CAT: variants seen among roughly 807,000 people sequenced by gnomAD.
The protein encoded by CAT is catalase.
A neutral mutation model predicts 59.0 loss-of-function variants in CAT; 43 were observed. That is an observed-to-expected ratio of 0.73 (90% CI 0.57 to 0.94). The LOEUF is 0.94. CAT is among the 40% of genes least tolerant of loss of function. The pLI is 0.00. For synonymous variants in CAT, 218 were observed against 230.9 expected (o/e 0.94, Z 0.51); for missense variants, 664 against 682.9 (o/e 0.97, Z 0.31).
intron 3 of CAT, among the ~76,000 whole-genome samples, chr11:34,451,470 A>G (rs1028850303): frequency 6.6e-6 from 1 of 152,236 alleles, no homozygotes; most frequent in Non-Finnish European, 1.5e-5. Flanking sequence ...CTTTACAGAT[A>G]TAATCTCTGA....
chr11:34,456,305 CA>C, intron 7 of CAT, 103 bp downstream of exon 7: 3 of 907,892 alleles, frequency 3.3e-6, no homozygotes, highest in Non-Finnish European at 5.2e-6. Flanking sequence ...AAGTCATATA[CA>C]AAATACAGAG....
chr11:34,471,022 AC>A lies in CAT; in HGVS notation c.1500del (p.Tyr500Ter). On this transcript the variant is annotated frameshift_variant, in exon 12 of 13. Transcript: ENST00000241052. LOFTEE classifies it high-confidence loss of function. ...CACATCCAGGCTCTTCTGGACAAGT[AC>A]AATGCTGAGAAGCCTAAGGTAAGCT... ...GSHIQALLDK[Y>X]NAEKPKNAIH... The A allele has an allele frequency of 6.2e-7, 1 of 1,614,172 alleles. No individual in the cohort carries two copies. Among genetic ancestry groups the A allele is most frequent in the Non-Finnish European group, 8.5e-7 (1 of 1,179,990 alleles).
intron 8 of CAT, chr11:34,461,005 A>G: frequency 3.6e-6 from 2 of 556,224 alleles, no homozygotes; most frequent in Non-Finnish European, 3.2e-6. Flanking sequence ...AAAAGATATT[A>G]TTACCAAAAA....
chr11:34,454,489 A>G (rs1323885594), intron 6 of CAT, among the ~76,000 whole-genome samples: 1 of 152,222 alleles, frequency 6.6e-6, no homozygotes. Context: ...CAAGCCTGAG[A>G]ACCTCTGTTT....
intron 8 of CAT, chr11:34,460,939 A>C: frequency 2.6e-6 from 1 of 385,164 alleles, no homozygotes; most frequent in Non-Finnish European, 4.9e-6. Context: ...TTCCTTGGGA[A>C]TAGGAAGTAA....
At chr11:34,458,505 C>G (rs961213509) in intron 8 of CAT, among the ~76,000 whole-genome samples, 1 of 152,154 alleles carries the variant, frequency 6.6e-6, no homozygotes, top group African/African-American at 2.4e-5. Context: ...GCATTGAAAC[C>G]AGGGAGTAGA....
chr11:34,439,650 A>G (rs1034336012), intron 1 of CAT, among the ~76,000 whole-genome samples: 1 of 152,174 alleles, frequency 6.6e-6, no homozygotes, highest in African/African-American at 2.4e-5. Context: ...CAAGCCTAGC[A>G]TTTTAGAGCT....
At chr11:34,459,629 G>A (rs903880911) in intron 8 of CAT, among the ~76,000 whole-genome samples, 3 of 152,158 alleles carry the variant, frequency 2.0e-5, no homozygotes, top group Admixed American at 6.5e-5. Context: ...TCAGGCACAG[G>A]GCCTTGGGGA....
At chr11:34,442,607 G>T (rs1030801045) in intron 1 of CAT, among the ~76,000 whole-genome samples, 1 of 150,670 alleles carries the variant, frequency 6.6e-6, no homozygotes, top group Admixed American at 6.6e-5. Context: ...ATCTCAAAAA[G>T]AAAAAAAAAG....
At chr11:34,455,101 G>C (rs181071383) in intron 6 of CAT, among the ~76,000 whole-genome samples, 10 of 152,334 alleles carry the variant, frequency 6.6e-5, no homozygotes, top group Admixed American at 4.6e-4. Context: ...AGGTATTGCA[G>C]TGTTATTGTA....
At position 34,464,152 on chromosome 11, in the gene CAT, C is replaced by G; in HGVS notation, c.1243C>G (p.Gln415Glu). Residue 415 changes from glutamine to glutamate, a missense_variant, in exon 10 of 13, where the codon CAG becomes GAG. Coordinates refer to ENST00000241052, the MANE Select transcript of CAT (RefSeq NM_001752.4). ...YPNSFGAPEQQPSALEHSIQY... is the reference protein window; with the variant it reads ...YPNSFGAPEQEPSALEHSIQY... ...CAACAGCTTTGGTGCTCCGGAACAA[C>G]AGCCTTCTGCCCTGGAGCACAGCAT... 6.2e-7 allele frequency: 1 copy of G among 1,614,150 alleles called. No individual in the cohort carries two copies.
chr11:34,452,955 GT>G (rs1006356053), intron 4 of CAT, 134 bp from the exon 5 acceptor site: 4 of 683,502 alleles, frequency 5.9e-6, no homozygotes, highest in Non-Finnish European at 1.1e-5. Flanking sequence ...TCATATTATG[GT>G]TTGGCAGTTT....
At chr11:34,447,908 C>T (rs1256550074) in intron 1 of CAT, among the ~76,000 whole-genome samples, 4 of 152,190 alleles carry the variant, frequency 2.6e-5, no homozygotes, top group Admixed American at 1.3e-4. Flanking sequence ...AAGTTGGACC[C>T]AGGCTCTAGT....
At position 34,453,126 on chromosome 11, in the gene CAT, C is replaced by T. The variant is rs1162926709; in HGVS notation, c.517C>T (p.Gln173Ter). The change falls in exon 5 of 13, where the codon CAG becomes TAG. Residue 173 changes from glutamine to a stop codon, truncating the protein, a stop_gained. Transcript: ENST00000241052. LOFTEE classifies it high-confidence loss of function. ...TATCCACAGCCAAAAGAGAAATCCT[C>T]AGACACATCTGAAGGATCCGGACAT... ...SFIHSQKRNP[Q>*]THLKDPDMVW... 41 of 1,613,320 alleles carry T rather than the reference C, an allele frequency of 2.5e-5. No individual in the cohort carries two copies. Among genetic ancestry groups the T allele is most frequent in the Non-Finnish European group, 3.3e-5 (39 of 1,179,326 alleles).
chr11:34,440,959 C>T (rs1856383774), intron 1 of CAT, among the ~76,000 whole-genome samples: 2 of 152,146 alleles, frequency 1.3e-5, no homozygotes, highest in African/African-American at 4.8e-5. Flanking sequence ...TACATAGTTG[C>T]CCATGTGAGA....
Position 34,456,780 on chromosome 11 carries a change from C to CGCA in CAT, c.1019_1020insGCA (p.Pro340_Pro341insGln). 1.2e-6 allele frequency: 2 copies of CGCA among 1,614,224 alleles called. No individual in the cohort carries two copies. Among genetic ancestry groups the CGCA allele is most frequent in the Non-Finnish European group, 1.7e-6 (2 of 1,180,044 alleles). On this transcript the variant is annotated inframe_insertion, in exon 8 of 13. Transcript: ENST00000241052. ...ATAGCCTTCGACCCAAGCAACATGC[C>CGCA]ACCTGGCATTGAGGCCAGTCCTGAC... is the stretch of plus-strand genomic sequence containing the variant.
At chr11:34,454,117 C>T (rs1053958723) in intron 6 of CAT, among the ~76,000 whole-genome samples, 191 bp downstream of exon 6, 2 of 152,126 alleles carry the variant, frequency 1.3e-5, no homozygotes, top group Admixed American at 6.5e-5. Flanking sequence ...GGAGCGTATC[C>T]CAATCTCATT....
chr11:34,449,913 G>A (rs1489620335), intron 2 of CAT, among the ~76,000 whole-genome samples: 1 of 152,174 alleles, frequency 6.6e-6, no homozygotes, highest in Non-Finnish European at 1.5e-5. Flanking sequence ...GTCCTGGCAG[G>A]TTGGGGTACA....
chr11:34,456,852 T>G (rs546566144), intron 8 of CAT, 35 bp downstream of exon 8: 1 of 1,611,912 alleles, frequency 6.2e-7, no homozygotes, highest in Admixed American at 1.7e-5. Context: ...CTGAGGCAGG[T>G]GTCCATGTGA....
Sources: gnomAD v4.1 joint callset for allele counts (sites outside exome capture counted in the v4.1 genomes callset) on GRCh38, gnomAD v4.1.1 for gene constraint, MANE v1.5 for transcripts, NCBI Gene and HGNC (gene_info 2026-07-23, HGNC 2026-07-21) for gene names.